The following IL1RL2 variants were observed in gnomAD, a reference collection of about 807,000 sequenced individuals.
IL1RL2 encodes interleukin-1 receptor-like 2.
In IL1RL2, 68 loss-of-function variants were observed where a neutral mutation model predicts 66.8. The observed-to-expected ratio is 1.02, with a 90% confidence interval of 0.84 to 1.25. The LOEUF (loss-of-function observed/expected upper bound fraction) is 1.25, where lower values mean the gene tolerates loss of function less well. IL1RL2 is among the 50% of genes most tolerant of loss of function. The pLI, the probability that IL1RL2 is intolerant of heterozygous loss-of-function variation, is 0.00. For synonymous variants in IL1RL2, 305 were observed against 264.6 expected, an observed-to-expected ratio of 1.15 and a Z score of -1.48; for missense variants, 729 against 709.3, an observed-to-expected ratio of 1.03 and a Z score of -0.32.
rs200453765 is a variant in IL1RL2 at position 102,235,072 on chromosome 2, C to T, written c.1473C>T (p.Ile491=). 21 of 1,614,156 alleles carry T rather than the reference C, an allele frequency of 1.3e-5. No homozygotes were observed. The highest frequency in any genetic ancestry group is 8.8e-5 in the South Asian group (8 of 91,082). The change falls in exon 11 of 12, where the codon ATC becomes ATT. Residue 491 remains isoleucine, a synonymous_variant. Coordinates refer to ENST00000264257, the MANE Select transcript of IL1RL2 (RefSeq NM_003854.4). ...MKVILIELEK[I]EDYTVMPESI... ...TTATTCTCATTGAGCTGGAGAAAAT[C>T]GAGGACTACACAGTCATGCCAGAGT...
chr2:102,195,255 C>G (rs1687565961), intron 4 of IL1RL2, among the ~76,000 whole-genome samples: 1 of 152,184 alleles, frequency 6.6e-6, no homozygotes, highest in African/African-American at 2.4e-5. Context: ...TTAATGCAGT[C>G]TGATGTATTG....
chr2:102,240,112 C>T (rs1675185466), downstream of IL1RL2: 1 of 152,126 alleles, frequency 6.6e-6, no homozygotes, highest in African/African-American at 2.4e-5. Context: ...AGCTTGTCAA[C>T]ATTCAAATAT....
At chr2:102,216,059 T>C (rs1689587651) in intron 6 of IL1RL2, among the ~76,000 whole-genome samples, 1 of 152,134 alleles carries the variant, frequency 6.6e-6, no homozygotes, top group Non-Finnish European at 1.5e-5. Context: ...ATTTGCTAAA[T>C]GCCTGAAAAG....
chr2:102,210,898 T>A (rs1393504496), intron 5 of IL1RL2, among the ~76,000 whole-genome samples: 1 of 152,090 alleles, frequency 6.6e-6, no homozygotes. Flanking sequence ...ATATTTGAAG[T>A]AGTGGGTGTG....
chr2:102,219,654 G>A (rs1401037001), intron 7 of IL1RL2, among the ~76,000 whole-genome samples: 1 of 152,128 alleles, frequency 6.6e-6, no homozygotes, highest in Non-Finnish European at 1.5e-5. Flanking sequence ...TGAGAATGGT[G>A]TCTGTAGCTA....
intron 5 of IL1RL2, among the ~76,000 whole-genome samples, chr2:102,203,118 G>T (rs576759219): frequency 6.6e-6 from 1 of 152,002 alleles, no homozygotes; most frequent in Non-Finnish European, 1.5e-5. Context: ...TGCTTTTTCC[G>T]CATCAATTGC....
At chr2:102,204,492 C>A (rs1392370049) in intron 5 of IL1RL2, among the ~76,000 whole-genome samples, 1 of 152,048 alleles carries the variant, frequency 6.6e-6, no homozygotes, top group Non-Finnish European at 1.5e-5. Context: ...TTGAAGTCTC[C>A]AGCTATTATT....
chr2:102,187,211 GCCGGCCCCCGA>G, intron 1 of IL1RL2, 125 bp downstream of exon 1: 1 of 1,216,906 alleles, frequency 8.2e-7, no homozygotes, highest in Non-Finnish European at 1.1e-6. Flanking sequence ...GGCCCCCCAG[GCCGGCCCCCGA>G]CCGGCTAGGT....
intron 10 of IL1RL2, 65 bp from the exon 11 acceptor site, chr2:102,234,832 A>G: frequency 1.4e-6 from 2 of 1,416,508 alleles, no homozygotes; most frequent in East Asian, 2.3e-5. Context: ...AAACATTCTC[A>G]CTAGCATTAA....
intron 9 of IL1RL2, among the ~76,000 whole-genome samples, chr2:102,231,553 G>T (rs1295777878): frequency 7.2e-6 from 1 of 139,558 alleles, no homozygotes; most frequent in Non-Finnish European, 1.5e-5. Context: ...GCGGTCCCAT[G>T]TTCATTGTGA....
At position 102,192,068 on chromosome 2, in the gene IL1RL2, G is replaced by A; in HGVS notation, c.437G>A (p.Cys146Tyr). Reference protein sequence around the residue: ...LHLGKDDSLTCHLHFPKSCVL... With the variant: ...LHLGKDDSLTYHLHFPKSCVL... ...CTTGGAAAAGATGATAGTCTCACAT[G>A]TCATCTGCACTTCCCGAAGAGTTGT... is the stretch of plus-strand genomic sequence containing the variant. The change falls in exon 4 of 12, where the codon TGT becomes TAT. Residue 146 changes from cysteine to tyrosine, a missense_variant. Cys to Tyr is a radical substitution (Grantham distance 194). Transcript: ENST00000264257. 6.2e-7 allele frequency: 1 copy of A among 1,609,816 alleles called. No individual in the cohort carries two copies. Among genetic ancestry groups the A allele is most frequent in the South Asian group, 1.1e-5 (1 of 90,168 alleles).
intron 9 of IL1RL2, among the ~76,000 whole-genome samples, chr2:102,228,808 T>C (rs1399691109): frequency 1.3e-5 from 2 of 152,234 alleles, no homozygotes; most frequent in Admixed American, 6.5e-5. Flanking sequence ...CTGTGTGCCA[T>C]TCACAACAAC....
At chr2:102,222,422 C>T (rs1294060963) in intron 8 of IL1RL2, among the ~76,000 whole-genome samples, 1 of 152,180 alleles carries the variant, frequency 6.6e-6, no homozygotes, top group Non-Finnish European at 1.5e-5. Context: ...AGGTAAGAGT[C>T]TGTCATTAAC....
Position 102,212,990 on chromosome 2 carries a change from C to T in IL1RL2, c.724+816C>T, listed in dbSNP as rs377025806. 1.5e-4 allele frequency among the ~76,000 whole-genome samples: 23 copies of T among 151,032 alleles called. No homozygotes were observed. In the South Asian group the frequency reaches 4.8e-3, roughly 32 times the overall value. On this transcript the variant is annotated intron_variant, in intron 6 of 11. Transcript: ENST00000264257. Reference sequence around the variant, plus strand: ...CAAAACAAAACAAAACAAAACAAAACAAAAAAAATCACTAGTAAAATAAAT... The same window carrying T: ...CAAAACAAAACAAAACAAAACAAAATAAAAAAAATCACTAGTAAAATAAAT...
chr2:102,187,358 C>T, intron 1 of IL1RL2: 1 of 1,160,998 alleles, frequency 8.6e-7, no homozygotes, highest in Non-Finnish European at 1.1e-6. Flanking sequence ...CCTGCCCTGG[C>T]TGCTCCCCAG....
At chr2:102,190,478 T>C (rs141271381) in intron 3 of IL1RL2, among the ~76,000 whole-genome samples, 35 of 152,348 alleles carry the variant, frequency 2.3e-4, no homozygotes, top group African/African-American at 8.2e-4. Context: ...ATTCTCTCGC[T>C]CTTGTTTTGA....
rs1675131811 is a variant in IL1RL2 at position 102,239,307 on chromosome 2, C to T, written c.*66C>T. On this transcript the variant is annotated 3_prime_UTR_variant, in exon 12 of 12. Coordinates refer to ENST00000264257, the MANE Select transcript of IL1RL2 (RefSeq NM_003854.4). ...TTTGCTCCATGTCTCCTCATTCCTA[C>T]ACCTATTTTCTGCTGCAGGATGAGG... 6 of 1,438,172 alleles carry T rather than the reference C, an allele frequency of 4.2e-6. No individual in the cohort carries two copies. Among genetic ancestry groups the T allele is most frequent in the Non-Finnish European group, 5.9e-6 (6 of 1,019,860 alleles). 89.1% of individuals were successfully genotyped at this position (1,438,172 alleles called of 1,614,324 possible). A position where few individuals can be genotyped will look rare whatever the true frequency, so the allele number is the denominator to read the frequency against.
intron 9 of IL1RL2, among the ~76,000 whole-genome samples, chr2:102,230,950 T>A (rs1296057625): frequency 6.6e-6 from 1 of 152,198 alleles, no homozygotes; most frequent in Admixed American, 6.5e-5. Flanking sequence ...CTTTCCCTTA[T>A]TAATCTTAAA....
chr2:102,231,811 C>G (rs543956137), intron 9 of IL1RL2, among the ~76,000 whole-genome samples: 2 of 152,268 alleles, frequency 1.3e-5, no homozygotes, highest in Non-Finnish European at 2.9e-5. Flanking sequence ...CTGCAGATTA[C>G]TAGAGTCTGC....
Sources: allele counts gnomAD v4.1 joint callset (sites outside exome capture counted in the v4.1 genomes callset), GRCh38; gene constraint gnomAD v4.1.1; transcripts MANE v1.5; gene names NCBI Gene and HGNC (gene_info 2026-07-23, HGNC 2026-07-21).